CERT1: variants seen among roughly 807,000 people sequenced by gnomAD.
CERT1 encodes ceramide transfer protein.
Under a neutral mutation model 87.9 loss-of-function variants are expected in CERT1, and 31 were observed. The ratio of observed to expected loss-of-function variants is 0.35; its 90% CI spans 0.27 to 0.48. The LOEUF is 0.48. Ranked by LOEUF, CERT1 falls within the 20% of genes least tolerant of loss-of-function variation. The pLI, the probability that CERT1 is intolerant of heterozygous loss-of-function variation, is 0.99. For synonymous variants in CERT1, 289 were observed against 250.9 expected (o/e 1.15, Z -1.44); for missense variants, 487 against 758.0 (o/e 0.64, Z 4.20).
At chr5:75,428,367 C>G (rs972690153) in intron 3 of CERT1, among the ~76,000 whole-genome samples, 1 of 152,092 alleles carries the variant, frequency 6.6e-6, no homozygotes. Flanking sequence ...AGAGGAGACT[C>G]TGAACACACA....
chr5:75,428,692 A>AT (rs1417170828), intron 3 of CERT1, among the ~76,000 whole-genome samples: 1 of 150,526 alleles, frequency 6.6e-6, no homozygotes, highest in African/African-American at 2.4e-5. Context: ...AAAAAAAAAA[A>AT]ATATTTACAA....
intron 7 of CERT1, among the ~76,000 whole-genome samples, chr5:75,412,670 T>C (rs1036462166): frequency 2.0e-5 from 3 of 152,200 alleles, no homozygotes; most frequent in Non-Finnish European, 4.4e-5. Flanking sequence ...AATTTTAACA[T>C]GATGGTTAAG....
At position 75,399,386 on chromosome 5, in the gene CERT1, G is replaced by C; in HGVS notation, c.1112C>G (p.Pro371Arg). 6.2e-7 allele frequency: 1 copy of C among 1,611,782 alleles called. No homozygotes were observed. Among genetic ancestry groups the C allele is most frequent in the Non-Finnish European group, 8.5e-7 (1 of 1,178,064 alleles). The change falls in exon 11 of 17, where the codon CCC becomes CGC. Residue 371 changes from proline to arginine, a missense_variant and splice_region_variant. Pro to Arg is a moderately radical substitution (Grantham distance 103). Coordinates refer to ENST00000643780, the MANE Select transcript of CERT1 (RefSeq NM_001379029.1). ...SVGTHRFVQK[P>R]YSRSSSMSSI... Reference sequence around the variant, plus strand: ...AGACATGGAGGAAGAGCGACTATAGGGCTACCAGAGACAGACAAAGAAAAA... The same window carrying C: ...AGACATGGAGGAAGAGCGACTATAGCGCTACCAGAGACAGACAAAGAAAAA...
At chr5:75,471,659 T>C (rs1360463358) in intron 2 of CERT1, among the ~76,000 whole-genome samples, 1 of 148,140 alleles carries the variant, frequency 6.8e-6, no homozygotes, top group African/African-American at 2.5e-5. Context: ...CTCGGGAGGC[T>C]GAGGTAGAAT....
At chr5:75,484,717 C>A (rs1320749942) in intron 2 of CERT1, among the ~76,000 whole-genome samples, 1 of 151,820 alleles carries the variant, frequency 6.6e-6, no homozygotes, top group East Asian at 1.9e-4. Context: ...CACTAGACCA[C>A]CCAGATATAT....
At chr5:75,495,064 G>A (rs1161807382) in intron 2 of CERT1, among the ~76,000 whole-genome samples, 1 of 152,168 alleles carries the variant, frequency 6.6e-6, no homozygotes, top group Non-Finnish European at 1.5e-5. Context: ...TTAAAATCTA[G>A]ATAAGATTCA....
intron 3 of CERT1, among the ~76,000 whole-genome samples, chr5:75,430,942 G>A (rs77531919): frequency 0.077 from 11,722 of 152,230 alleles, 547 homozygotes; most frequent in South Asian, 0.17. Flanking sequence ...TTGGAAGGCC[G>A]AGGCAGGAGG....
intron 2 of CERT1, among the ~76,000 whole-genome samples, chr5:75,498,169 G>A (rs951404811): frequency 6.6e-6 from 1 of 152,142 alleles, no homozygotes; most frequent in Non-Finnish European, 1.5e-5. Context: ...TTTCTAGGAA[G>A]AAATTTCTAG....
At chr5:75,411,167 TA>T (rs1762921325) in intron 7 of CERT1, 64 bp from the exon 8 acceptor site, 1 of 858,398 alleles carries the variant, frequency 1.2e-6, no homozygotes, top group Admixed American at 2.5e-5. Context: ...TGAAGTCTTT[TA>T]GGTGGAATTC....
intron 7 of CERT1, 59 bp from the exon 8 acceptor site, chr5:75,411,162 T>G: frequency 2.2e-6 from 2 of 916,324 alleles, no homozygotes; most frequent in Non-Finnish European, 3.4e-6. Context: ...TACAATGAAG[T>G]CTTTTAGGTG....
intron 11 of CERT1, among the ~76,000 whole-genome samples, chr5:75,394,107 G>T (rs757152861): frequency 1.3e-5 from 2 of 152,116 alleles, no homozygotes; most frequent in Non-Finnish European, 1.5e-5. Flanking sequence ...TTAGCCTACC[G>T]TATTGACAAA....
At chr5:75,377,480 T>A (rs1324517407), downstream of CERT1, 1 of 152,224 alleles carries the variant, frequency 6.6e-6, no homozygotes, top group African/African-American at 2.4e-5. Context: ...TATTCGCCAA[T>A]GCAGAACTGA....
chr5:75,495,657 G>A (rs1473636009), intron 2 of CERT1, among the ~76,000 whole-genome samples: 2 of 151,994 alleles, frequency 1.3e-5, no homozygotes, highest in Non-Finnish European at 2.9e-5. Flanking sequence ...ACTACTTAAC[G>A]AGTTGTCAGC....
At chr5:75,481,806 C>T (rs74827222) in intron 2 of CERT1, among the ~76,000 whole-genome samples, 1,642 of 152,106 alleles carry the variant, frequency 0.011, 19 homozygotes, top group East Asian at 0.022. Flanking sequence ...TTTTTGCTCT[C>T]GAAGGCACGG....
chr5:75,503,711 A>C (rs1767490026), intron 2 of CERT1, among the ~76,000 whole-genome samples: 1 of 151,744 alleles, frequency 6.6e-6, no homozygotes, highest in Admixed American at 6.6e-5. Context: ...TCTTGTTCCT[A>C]CGCATGTCTT....
At chr5:75,510,462 G>C (rs1767890429) in intron 1 of CERT1, among the ~76,000 whole-genome samples, 1 of 152,004 alleles carries the variant, frequency 6.6e-6, no homozygotes, top group African/African-American at 2.4e-5. Flanking sequence ...ATTAAGTAAT[G>C]CTCTTCCTGG....
downstream of CERT1, chr5:75,373,218 TA>T (rs1761149276): frequency 6.6e-6 from 1 of 152,176 alleles, no homozygotes; most frequent in African/African-American, 2.4e-5. Flanking sequence ...CAAACATATA[TA>T]CCCGTTACTG....
chr5:75,426,849 G>T (rs1763638957), intron 3 of CERT1, among the ~76,000 whole-genome samples: 1 of 152,218 alleles, frequency 6.6e-6, no homozygotes, highest in Non-Finnish European at 1.5e-5. Context: ...AAGCTCTGAA[G>T]ATGGATGATG....
chr5:75,505,845 A>C, intron 2 of CERT1, 137 bp downstream of exon 2: 2 of 555,776 alleles, frequency 3.6e-6, no homozygotes, highest in South Asian at 8.6e-5. Flanking sequence ...TTATGGAAAA[A>C]AGTATTAGAA....
Sources: gnomAD v4.1 joint callset for allele counts (sites outside exome capture counted in the v4.1 genomes callset) on GRCh38, gnomAD v4.1.1 for gene constraint, MANE v1.5 for transcripts, NCBI Gene and HGNC (gene_info 2026-07-23, HGNC 2026-07-21) for gene names.